KATNIP: variants seen among roughly 807,000 people sequenced by gnomAD.
KATNIP encodes the protein katanin-interacting protein.
KATNIP carries 126 observed loss-of-function variants against 174.0 expected under a neutral mutation model. The observed-to-expected ratio is 0.72, with a 90% confidence interval of 0.63 to 0.84. KATNIP has a LOEUF of 0.84. KATNIP is among the 40% of genes least tolerant of loss of function. The pLI, the probability that KATNIP is intolerant of heterozygous loss-of-function variation, is 0.00. For synonymous variants in KATNIP, 810 were observed against 835.7 expected (o/e 0.97, Z 0.53); for missense variants, 1,958 against 2,109.7 (o/e 0.93, Z 1.41).
intron 6 of KATNIP, 77 bp downstream of exon 6, chr16:27,648,812 A>G (rs1234991530): frequency 2.0e-6 from 3 of 1,480,416 alleles, no homozygotes; most frequent in African/African-American, 2.8e-5. Flanking sequence ...CCCTCGGGGC[A>G]CTTTCTGACA....
intron 2 of KATNIP, among the ~76,000 whole-genome samples, chr16:27,614,597 G>A (rs986002505): frequency 3.9e-5 from 6 of 152,116 alleles, no homozygotes; most frequent in Non-Finnish European, 8.8e-5. Context: ...GCGTGAGCAT[G>A]CCCGGCCTTG....
rs2082614781 is a variant in KATNIP, at chr16:27,779,296, A to T, written c.*667A>T. On this transcript the variant is annotated 3_prime_UTR_variant, in exon 28 of 28. Coordinates refer to ENST00000261588, the MANE Select transcript of KATNIP (RefSeq NM_015202.5). ...CTGTGTGCATCCTGCAGAGGGAAGG[A>T]AGTCAGCTGGGCCACCCGCCATCCA... The T allele has an allele frequency of 2.0e-5, 3 of 152,416 alleles. No individual in the cohort carries two copies. In the South Asian group the frequency reaches 6.2e-4, roughly 32 times the overall value. 9.4% of individuals were successfully genotyped at this position (152,416 alleles called of 1,614,324 possible).
chr16:27,716,138 C>T (rs957633742), intron 13 of KATNIP, among the ~76,000 whole-genome samples: 2 of 152,152 alleles, frequency 1.3e-5, no homozygotes, highest in Non-Finnish European at 2.9e-5. Flanking sequence ...AGAACTATTG[C>T]TACATGCTAC....
intron 21 of KATNIP, among the ~76,000 whole-genome samples, chr16:27,770,702 A>C (rs1391615562): frequency 6.6e-6 from 1 of 152,182 alleles, no homozygotes; most frequent in East Asian, 1.9e-4. Flanking sequence ...GGAGGAGAGG[A>C]TCCTTCCCGA....
chr16:27,751,717 A>G lies in KATNIP; in HGVS notation c.3347-2A>G, dbSNP rs749456196. On this transcript the variant is annotated splice_acceptor_variant, in intron 16 of 27. Coordinates refer to ENST00000261588, the MANE Select transcript of KATNIP (RefSeq NM_015202.5). LOFTEE classifies it high-confidence loss of function. Reference sequence around the variant, plus strand: ...CTTTCTGTCATCTTGATAACCCATTAGCCCCAGAGCACTTTGGAGACACGA... The same window carrying G: ...CTTTCTGTCATCTTGATAACCCATTGGCCCCAGAGCACTTTGGAGACACGA... 90 of 1,614,004 alleles carry G rather than the reference A, an allele frequency of 5.6e-5. No individual in the cohort carries two copies. The highest frequency in any genetic ancestry group is 7.3e-5 in the Non-Finnish European group (86 of 1,179,954).
chr16:27,645,900 G>A (rs1597046094), intron 5 of KATNIP, among the ~76,000 whole-genome samples: 1 of 152,062 alleles, frequency 6.6e-6, no homozygotes, highest in African/African-American at 2.4e-5. Flanking sequence ...TAGCTGCAAG[G>A]GCCCCCAGCA....
intron 14 of KATNIP, among the ~76,000 whole-genome samples, chr16:27,738,152 G>A (rs972638471): frequency 2.0e-5 from 3 of 152,176 alleles, no homozygotes; most frequent in African/African-American, 4.8e-5. Flanking sequence ...AGCAGTTATG[G>A]TGACTGAAAG....
At chr16:27,712,506 C>CCA (rs2079619251) in intron 13 of KATNIP, among the ~76,000 whole-genome samples, 1 of 152,160 alleles carries the variant, frequency 6.6e-6, no homozygotes, top group Non-Finnish European at 1.5e-5. Context: ...ATGCGCATGG[C>CCA]TGATAGAGCT....
rs757129359 is a variant in KATNIP, at chr16:27,749,878, A to G, written c.2918A>G (p.Tyr973Cys). The change falls in exon 16 of 28, where the codon TAT (tyrosine) becomes TGT (cysteine). Residue 973 changes from tyrosine to cysteine, a missense_variant. Transcript: ENST00000261588. ...GGDFKIPVLP[Y>C]GQRLVIDIKS... is the part of the protein sequence containing the mutation. ...GACTTTAAAATCCCCGTCTTGCCTT[A>G]TGGACAGCGCTTGGTCATTGACATC... 6.2e-7 allele frequency: 1 copy of G among 1,614,084 alleles called. No homozygotes were observed. Among genetic ancestry groups the G allele is most frequent in the Non-Finnish European group, 8.5e-7 (1 of 1,180,042 alleles).
rs767294733 is a variant in KATNIP, at chr16:27,618,536, T to A, written c.140+35T>A. Reference sequence around the variant, plus strand: ...GCCACTCGACGGCAGCCCTTGATATTAGCGAAGTAAAAATCTATTTAGATT... The same window carrying A: ...GCCACTCGACGGCAGCCCTTGATATAAGCGAAGTAAAAATCTATTTAGATT... On this transcript the variant is annotated intron_variant, in intron 3 of 27. Transcript: ENST00000261588. The A allele has an allele frequency of 1.1e-5, 16 of 1,452,780 alleles. 1 individual carries two copies. In the South Asian group the frequency reaches 1.5e-4, roughly 13 times the overall value. The allele number at this position is 1,452,780 out of a possible 1,614,324, so 90.0% of individuals were successfully genotyped here.
intron 5 of KATNIP, among the ~76,000 whole-genome samples, chr16:27,641,163 G>T (rs1339538054): frequency 6.6e-6 from 1 of 151,684 alleles, no homozygotes; most frequent in Non-Finnish European, 1.5e-5. Flanking sequence ...GAGAGAGAGA[G>T]ACCTGGGCTT....
intron 14 of KATNIP, among the ~76,000 whole-genome samples, chr16:27,734,579 C>G (rs1458590869): frequency 1.3e-5 from 2 of 152,044 alleles, no homozygotes; most frequent in African/African-American, 4.8e-5. Flanking sequence ...TGCCTGTAAT[C>G]CCAGCTACTC....
At chr16:27,772,548 C>T (rs998951818) in intron 22 of KATNIP, among the ~76,000 whole-genome samples, 1 of 152,348 alleles carries the variant, frequency 6.6e-6, no homozygotes, top group Non-Finnish European at 1.5e-5. Context: ...CGTGGGACTT[C>T]AGCAGCAATG....
intron 11 of KATNIP, 55 bp downstream of exon 11, chr16:27,701,750 A>T: frequency 4.2e-6 from 5 of 1,186,842 alleles, no homozygotes; most frequent in Non-Finnish European, 6.1e-6. Flanking sequence ...AGCCATGGGG[A>T]TCTTCTTCAT....
intron 6 of KATNIP, chr16:27,654,882 C>T (rs1004491856): frequency 1.3e-5 from 8 of 609,438 alleles, no homozygotes; most frequent in African/African-American, 5.8e-5. Context: ...GTAATCCCAG[C>T]ACTTTGGGAG....
chr16:27,604,442 C>A (rs941400321), intron 2 of KATNIP, among the ~76,000 whole-genome samples: 1 of 152,026 alleles, frequency 6.6e-6, no homozygotes, highest in Non-Finnish European at 1.5e-5. Context: ...ACTGTGTTGT[C>A]CAGGCTGGTC....
intron 2 of KATNIP, among the ~76,000 whole-genome samples, chr16:27,607,340 C>T (rs1378568719): frequency 6.6e-6 from 1 of 152,138 alleles, no homozygotes; most frequent in Non-Finnish European, 1.5e-5. Flanking sequence ...TTCAAGGCCT[C>T]CATTTCCTCC....
chr16:27,674,896 T>A (rs1391557045), intron 6 of KATNIP, among the ~76,000 whole-genome samples: 1 of 152,176 alleles, frequency 6.6e-6, no homozygotes. Flanking sequence ...ATCATCTAAG[T>A]CTCGTCAGCT....
chr16:27,750,338 C>A, intron 16 of KATNIP, 32 bp downstream of exon 16: 2 of 1,572,318 alleles, frequency 1.3e-6, no homozygotes, highest in South Asian at 2.4e-5. Flanking sequence ...TTTCTCAGAG[C>A]CCCTATCTGT....
Sources: gnomAD v4.1 joint callset for allele counts (sites outside exome capture counted in the v4.1 genomes callset) on GRCh38, gnomAD v4.1.1 for gene constraint, MANE v1.5 for transcripts, NCBI Gene and HGNC (gene_info 2026-07-23, HGNC 2026-07-21) for gene names.